GOLT1A: variants seen among roughly 807,000 people sequenced by gnomAD.
The protein encoded by GOLT1A is vesicle transport protein GOT1A.
GOLT1A carries 10 observed loss-of-function variants against 16.1 expected under a neutral mutation model. That is an observed-to-expected ratio of 0.62 (90% CI 0.38 to 1.05). The LOEUF is 1.05. GOLT1A is among the 50% of genes least tolerant of loss of function. The pLI, the probability that GOLT1A is intolerant of heterozygous loss-of-function variation, is 0.01. For missense variants in GOLT1A, 137 were observed against 165.7 expected (o/e 0.83, Z 0.95); for synonymous variants, 60 against 67.9 (o/e 0.88, Z 0.57).
chr1:204,205,648 T>A (rs1043848593), intron 1 of GOLT1A, among the ~76,000 whole-genome samples: 1 of 152,162 alleles, frequency 6.6e-6, no homozygotes, highest in Non-Finnish European at 1.5e-5. Context: ...TGAAAGAAAA[T>A]GAAACAACAT....
intron 3 of GOLT1A, among the ~76,000 whole-genome samples, chr1:204,200,260 C>T (rs1006369969): frequency 7.4e-6 from 1 of 134,898 alleles, no homozygotes; most frequent in Non-Finnish European, 1.6e-5. Context: ...ATATATTTGA[C>T]AATTTGAATA....
chr1:204,203,075 C>T (rs1571674022), intron 1 of GOLT1A, 88 bp from the exon 2 acceptor site: 2 of 946,470 alleles, frequency 2.1e-6, no homozygotes, highest in Non-Finnish European at 3.4e-6. Flanking sequence ...AGGACAGGTG[C>T]CCTCTATGGG....
At chr1:204,200,419 G>A (rs979206386) in intron 3 of GOLT1A, among the ~76,000 whole-genome samples, 10 of 149,894 alleles carry the variant, frequency 6.7e-5, no homozygotes, top group Admixed American at 6.6e-5. Flanking sequence ...CGCCCCCTGC[G>A]TTTAAGCAAT....
chr1:204,208,458 ACTTGTGTG>A (rs1659083110), intron 1 of GOLT1A, among the ~76,000 whole-genome samples: 4 of 60,502 alleles, frequency 6.6e-5, no homozygotes, highest in African/African-American at 1.1e-4. Context: ...ATATATGTAT[ACTTGTGTG>A]TGTGTGTGTG....
At chr1:204,203,192 C>G (rs1658989715) in intron 1 of GOLT1A, among the ~76,000 whole-genome samples, 1 of 152,190 alleles carries the variant, frequency 6.6e-6, no homozygotes, top group Admixed American at 6.5e-5. Context: ...CACCTGGGAA[C>G]TGTGCTGTCA....
intron 2 of GOLT1A, 125 bp downstream of exon 2, chr1:204,202,771 T>G (rs1337999704): frequency 1.9e-5 from 14 of 725,352 alleles, no homozygotes; most frequent in Non-Finnish European, 3.4e-5. Context: ...AACTTGGGAT[T>G]TACTTAAGGG....
intron 3 of GOLT1A, 65 bp from the exon 4 acceptor site, chr1:204,199,323 G>C: frequency 7.7e-7 from 1 of 1,302,458 alleles, no homozygotes; most frequent in Admixed American, 2.0e-5. Flanking sequence ...GAGGGCACGA[G>C]GCTGAGGTCC....
chr1:204,198,606 G>T, intron 4 of GOLT1A, 110 bp from the exon 5 acceptor site: 3 of 1,004,608 alleles, frequency 3.0e-6, no homozygotes, highest in Admixed American at 2.0e-5. Flanking sequence ...GCGCAGATAC[G>T]AGAGGGGCTG....
intron 1 of GOLT1A, among the ~76,000 whole-genome samples, chr1:204,213,067 A>G (rs929793249): frequency 3.9e-5 from 6 of 152,128 alleles, no homozygotes; most frequent in African/African-American, 1.2e-4. Flanking sequence ...TGACCACTCT[A>G]TATAAAATAG....
intron 1 of GOLT1A, among the ~76,000 whole-genome samples, chr1:204,203,782 G>A (rs967654612): frequency 4.6e-5 from 7 of 151,262 alleles, no homozygotes; most frequent in African/African-American, 7.3e-5. Flanking sequence ...CACTGACAAT[G>A]AGCCCCCATT....
intron 2 of GOLT1A, among the ~76,000 whole-genome samples, chr1:204,202,594 G>A (rs140340245): frequency 2.6e-4 from 40 of 152,136 alleles, no homozygotes; most frequent in Middle Eastern, 3.4e-3. Context: ...TCAGATGGCA[G>A]GGACAGTGTC....
chr1:204,213,959 G>A lies in GOLT1A; in HGVS notation c.-53C>T. The A allele has an allele frequency of 1.3e-6, 2 of 1,599,188 alleles. No homozygotes were observed. Among genetic ancestry groups the A allele is most frequent in the Non-Finnish European group, 1.7e-6 (2 of 1,171,744 alleles). On this transcript the variant is annotated 5_prime_UTR_variant, in exon 1 of 5. Coordinates refer to ENST00000308302, the MANE Select transcript of GOLT1A (RefSeq NM_198447.2). ...GGTGGAAGCGGGCAAGTGGAGCGTGGCCCAGAGGACGCAGCTGGTACATGG... is the reference window on the plus strand; with the variant it reads ...GGTGGAAGCGGGCAAGTGGAGCGTGACCCAGAGGACGCAGCTGGTACATGG...
chr1:204,204,348 T>C (rs1659009372), intron 1 of GOLT1A, among the ~76,000 whole-genome samples: 1 of 152,210 alleles, frequency 6.6e-6, no homozygotes, highest in South Asian at 2.1e-4. Context: ...TTACTTTCTC[T>C]ATGAATTTTT....
At chr1:204,213,090 C>T (rs1390763744) in intron 1 of GOLT1A, among the ~76,000 whole-genome samples, 2 of 152,182 alleles carry the variant, frequency 1.3e-5, no homozygotes, top group Admixed American at 6.5e-5. Flanking sequence ...ACCCCTCCTA[C>T]CTCGAACTCC....
At chr1:204,203,067 G>T in intron 1 of GOLT1A, 80 bp from the exon 2 acceptor site, 1 of 1,045,498 alleles carries the variant, frequency 9.6e-7, no homozygotes, top group Non-Finnish European at 1.5e-6. Context: ...ATTGCCACAG[G>T]ACAGGTGCCC....
intron 1 of GOLT1A, among the ~76,000 whole-genome samples, chr1:204,212,242 T>C (rs1283557273): frequency 3.3e-5 from 5 of 152,124 alleles, no homozygotes; most frequent in Admixed American, 3.3e-4. Context: ...GTCCAAACCG[T>C]CAGCAAATCC....
intron 4 of GOLT1A, chr1:204,198,860 T>C (rs567628300): frequency 3.0e-5 from 14 of 471,354 alleles, no homozygotes; most frequent in Non-Finnish European, 5.3e-5. Flanking sequence ...CTTAGCCAGA[T>C]CCCCAGAAAT....
At chr1:204,212,001 C>T (rs1659144848) in intron 1 of GOLT1A, among the ~76,000 whole-genome samples, 1 of 152,068 alleles carries the variant, frequency 6.6e-6, no homozygotes, top group African/African-American at 2.4e-5. Context: ...TCCTAAAAAC[C>T]ATGTATATGC....
intron 1 of GOLT1A, among the ~76,000 whole-genome samples, chr1:204,208,502 A>ATATATATATATATAT (rs1491494433): frequency 3.2e-5 from 2 of 62,092 alleles, no homozygotes; most frequent in African/African-American, 1.4e-4. Context: ...ATATATATAT[A>ATATATATATATATAT]AAAAATGAAC....
Sources: gnomAD v4.1 joint callset for allele counts (sites outside exome capture counted in the v4.1 genomes callset) on GRCh38, gnomAD v4.1.1 for gene constraint, MANE v1.5 for transcripts, NCBI Gene and HGNC (gene_info 2026-07-23, HGNC 2026-07-21) for gene names.